CSMD1: variants seen among roughly 807,000 people sequenced by gnomAD.
CSMD1 encodes CUB and sushi domain-containing protein 1.
In CSMD1, 213 loss-of-function variants were observed where a neutral mutation model predicts 417.5. That is an observed-to-expected ratio of 0.51 (90% CI 0.46 to 0.57). The LOEUF (loss-of-function observed/expected upper bound fraction) is 0.57. Among genes scored for constraint, CSMD1 ranks in the 20% least tolerant of loss-of-function variants. The pLI is 0.00. For synonymous variants in CSMD1, 2,862 were observed against 1,736.8 expected (o/e 1.65, Z -16.11); for missense variants, 6,923 against 4,529.7 (o/e 1.53, Z -15.17).
chr8:4,680,433 A>G (rs1805965453), intron 1 of CSMD1, among the ~76,000 whole-genome samples: 1 of 152,134 alleles, frequency 6.6e-6, no homozygotes, highest in Non-Finnish European at 1.5e-5. Context: ...AACTACATTG[A>G]GTGACGTACC....
In CSMD1 at chr8:3,963,837, A is replaced by C. The variant is rs572565955; in HGVS notation, c.818+34066T>G. Reference sequence around the variant, plus strand: ...TAAAATCAACATCAAATGTAAATATAATCTTAAAACCGCAGTTTAAGAAAT... The same window carrying C: ...TAAAATCAACATCAAATGTAAATATCATCTTAAAACCGCAGTTTAAGAAAT... On this transcript the variant is annotated intron_variant, in intron 5 of 69. Transcript: ENST00000635120. 6.6e-5 allele frequency among the ~76,000 whole-genome samples: 10 copies of C among 152,362 alleles called. No individual in the cohort carries two copies. The South Asian group carries it at 2.1e-3, about 32-fold the overall frequency.
chr8:3,527,252 G>A (rs897845715), intron 10 of CSMD1, among the ~76,000 whole-genome samples: 1 of 152,158 alleles, frequency 6.6e-6, no homozygotes, highest in South Asian at 2.1e-4. Context: ...AATTGGTACA[G>A]GGCGCTGATA....
At chr8:3,324,456 T>G (rs62504771) in intron 23 of CSMD1, among the ~76,000 whole-genome samples, 14,517 of 141,078 alleles carry the variant, frequency 0.1, 910 homozygotes, top group Non-Finnish European at 0.14. Context: ...GGAGTGGGAG[T>G]TTCCTTCCCC....
At chr8:3,605,828 T>C (rs7831066) in intron 8 of CSMD1, among the ~76,000 whole-genome samples, 4,076 of 152,284 alleles carry the variant, frequency 0.027, 170 homozygotes, top group African/African-American at 0.091. Flanking sequence ...AGGTTATGAC[T>C]CTAATTTTAA....
intron 5 of CSMD1, among the ~76,000 whole-genome samples, chr8:3,938,561 A>G (rs961435581): frequency 7.9e-5 from 12 of 152,136 alleles, no homozygotes; most frequent in African/African-American, 2.7e-4. Flanking sequence ...GATGCTACCA[A>G]TGCATCTCTT....
chr8:3,087,312 A>C, intron 48 of CSMD1, 27 bp from the exon 49 acceptor site: 1 of 1,606,948 alleles, frequency 6.2e-7, no homozygotes, highest in Non-Finnish European at 8.5e-7. Context: ...ACACACAGAA[A>C]TAAGTCAACA....
chr8:4,746,695 C>T (rs1451705685), intron 1 of CSMD1, among the ~76,000 whole-genome samples: 3 of 152,142 alleles, frequency 2.0e-5, no homozygotes, highest in African/African-American at 4.8e-5. Context: ...TGAGCACATA[C>T]TCTGAGCTGC....
intron 3 of CSMD1, among the ~76,000 whole-genome samples, chr8:4,153,120 G>A (rs1253506778): frequency 1.3e-5 from 2 of 152,274 alleles, no homozygotes; most frequent in East Asian, 1.9e-4. Context: ...AAGGAAAATG[G>A]CAATGTTGTA....
At position 2,951,104 on chromosome 8, in the gene CSMD1, C is replaced by T. The variant is rs373481976; in HGVS notation, c.10201+10G>A. The T allele has an allele frequency of 9.9e-5, 159 of 1,608,912 alleles. No homozygotes were observed. Among genetic ancestry groups the T allele is most frequent in the Admixed American group, 1.3e-4 (8 of 59,446 alleles). ...CACACCATGCGTTTAGTGAATTCTT[C>T]GGGACCTACCTGTCAACTTCAGCTC... On this transcript the variant is annotated intron_variant, in intron 66 of 69. Coordinates refer to ENST00000635120, the MANE Select transcript of CSMD1 (RefSeq NM_033225.6).
At chr8:4,629,197 T>C (rs1461337452) in intron 2 of CSMD1, among the ~76,000 whole-genome samples, 1 of 152,178 alleles carries the variant, frequency 6.6e-6, no homozygotes, top group Non-Finnish European at 1.5e-5. Flanking sequence ...TTAGCTAGAA[T>C]TTCTGAATGA....
At chr8:4,035,206 T>C (rs1474230088) in intron 3 of CSMD1, among the ~76,000 whole-genome samples, 1 of 152,124 alleles carries the variant, frequency 6.6e-6, no homozygotes, top group Non-Finnish European at 1.5e-5. Flanking sequence ...TAGTGCCAGC[T>C]ATGATGCACG....
At chr8:4,351,139 C>G (rs778711809) in intron 3 of CSMD1, among the ~76,000 whole-genome samples, 3 of 151,160 alleles carry the variant, frequency 2.0e-5, no homozygotes, top group Non-Finnish European at 4.4e-5. Context: ...GGCAACATAG[C>G]AAGGTCCCAT....
chr8:4,556,249 A>G (rs2130589909), intron 2 of CSMD1, among the ~76,000 whole-genome samples: 1 of 152,378 alleles, frequency 6.6e-6, no homozygotes. Flanking sequence ...CAGGAAAATG[A>G]AAGTTATTTT....
intron 3 of CSMD1, among the ~76,000 whole-genome samples, chr8:4,158,162 C>A (rs1198605002): frequency 6.6e-6 from 1 of 151,188 alleles, no homozygotes; most frequent in Non-Finnish European, 1.5e-5. Context: ...CTACGGCCTT[C>A]ATCATTTTTA....
intron 12 of CSMD1, among the ~76,000 whole-genome samples, chr8:3,417,863 C>A (rs535396541): frequency 6.6e-6 from 1 of 152,148 alleles, no homozygotes; most frequent in Non-Finnish European, 1.5e-5. Context: ...CATGTCCACG[C>A]GGTATGGACG....
chr8:3,273,676 C>A (rs370725666), intron 26 of CSMD1, among the ~76,000 whole-genome samples: 12 of 152,070 alleles, frequency 7.9e-5, no homozygotes, highest in African/African-American at 2.9e-4. Flanking sequence ...TGTATGTGTC[C>A]AGGAATTTAT....
intron 18 of CSMD1, among the ~76,000 whole-genome samples, chr8:3,376,156 G>C (rs944348089): frequency 1.3e-5 from 2 of 152,120 alleles, no homozygotes; most frequent in African/African-American, 4.8e-5. Flanking sequence ...CTTGTGGAGA[G>C]AGTAAACAGT....
chr8:4,047,712 G>A (rs1434550410), intron 3 of CSMD1, among the ~76,000 whole-genome samples: 2 of 151,974 alleles, frequency 1.3e-5, no homozygotes, highest in East Asian at 1.9e-4. Context: ...ATAGCTCAGT[G>A]GATTTTAAAT....
chr8:4,224,820 G>A (rs1362126137), intron 3 of CSMD1, among the ~76,000 whole-genome samples: 2 of 152,180 alleles, frequency 1.3e-5, no homozygotes, highest in African/African-American at 4.8e-5. Context: ...CCTCATCATG[G>A]GAGGATATAT....
Sources: gnomAD v4.1 joint callset for allele counts (sites outside exome capture counted in the v4.1 genomes callset) on GRCh38, gnomAD v4.1.1 for gene constraint, MANE v1.5 for transcripts, NCBI Gene and HGNC (gene_info 2026-07-23, HGNC 2026-07-21) for gene names.